The following NF1 variants were observed in gnomAD, a reference collection of about 807,000 sequenced individuals.
The protein encoded by NF1 is neurofibromin.
In NF1, 122 loss-of-function variants were observed where a neutral mutation model predicts 325.7. The ratio of observed to expected loss-of-function variants is 0.37; its 90% confidence interval spans 0.32 to 0.44. NF1 has a LOEUF of 0.44. Among genes scored for constraint, NF1 ranks in the 20% least tolerant of loss-of-function variants. The pLI, the probability that NF1 is intolerant of heterozygous loss-of-function variation, is 1.00. For missense variants in NF1, 2,140 were observed against 3,415.4 expected (o/e 0.63, Z 9.31); for synonymous variants, 1,091 against 1,186.0 (o/e 0.92, Z 1.65).
chr17:31,141,071 T>G (rs528659768), intron 1 of NF1, among the ~76,000 whole-genome samples: 7 of 152,334 alleles, frequency 4.6e-5, no homozygotes, highest in Admixed American at 6.5e-5. Context: ...TTAAGGATTT[T>G]TATTAAGTAA....
chr17:31,112,833 A>G (rs1567794995), intron 1 of NF1, among the ~76,000 whole-genome samples: 1 of 152,180 alleles, frequency 6.6e-6, no homozygotes, highest in African/African-American at 2.4e-5. Context: ...TTTCTAATAT[A>G]AGGTCACAAA....
chr17:31,218,699 G>A (rs1163248793), intron 13 of NF1, among the ~76,000 whole-genome samples: 1 of 151,998 alleles, frequency 6.6e-6, no homozygotes, highest in African/African-American at 2.4e-5. Context: ...AGCCTCCCAA[G>A]TGGCTGGGAC....
At chr17:31,331,154 T>C (rs1175132369) in intron 39 of NF1, 1 of 152,158 alleles carries the variant, frequency 6.6e-6, no homozygotes, top group African/African-American at 2.4e-5. Flanking sequence ...TTTCTTGACT[T>C]TTATATATTA....
At chr17:31,298,036 G>A (rs2068501670) in intron 36 of NF1, among the ~76,000 whole-genome samples, 2 of 152,134 alleles carry the variant, frequency 1.3e-5, no homozygotes, top group East Asian at 1.9e-4. Context: ...AAGTGGATAT[G>A]AGTATTGTTT....
Position 31,095,337 on chromosome 17 carries a change from G to A in NF1, c.28G>A (p.Val10Ile). The change falls in exon 1 of 58, where the codon GTC becomes ATC. Residue 10 changes from valine (V) to isoleucine (I), a missense_variant. Transcript: ENST00000358273. ...GGCCGCGCACAGGCCGGTGGAATGG[G>A]TCCAGGCCGTGGTCAGCCGCTTCGA... MAAHRPVEW[V>I]QAVVSRFDEQ... is the part of the protein sequence containing the mutation. The A allele has an allele frequency of 6.5e-7, 1 of 1,539,754 alleles. No homozygotes were observed. Among genetic ancestry groups the A allele is most frequent in the Non-Finnish European group, 8.7e-7 (1 of 1,146,510 alleles).
chr17:31,126,577 G>A (rs3923363), intron 1 of NF1, among the ~76,000 whole-genome samples: 1 of 152,060 alleles, frequency 6.6e-6, no homozygotes, highest in Non-Finnish European at 1.5e-5. Context: ...GAGTAGCTGG[G>A]ACTACAGGTA....
At chr17:31,111,900 CT>C (rs988394751) in intron 1 of NF1, among the ~76,000 whole-genome samples, 3 of 152,078 alleles carry the variant, frequency 2.0e-5, no homozygotes, top group African/African-American at 7.2e-5. Context: ...AACTTTATTG[CT>C]TTTTGCTATT....
rs1452863742 is a variant in NF1, at chr17:31,222,353, A to G, written c.1721+424A>G. On this transcript the variant is annotated intron_variant, in intron 15 of 57. Coordinates refer to ENST00000358273, the MANE Select transcript of NF1 (RefSeq NM_001042492.3). ...ACCAATGCTTTCGATGAATGAATTA[A>G]TAATGGACACCTGCTTAGAAGAAAA... is the stretch of plus-strand genomic sequence containing the variant. 3 of 1,038,500 alleles carry G rather than the reference A, an allele frequency of 2.9e-6. No individual in the cohort carries two copies. In the African/African-American group the frequency reaches 5.0e-5, roughly 17 times the overall value. 64.3% of individuals were successfully genotyped at this position (1,038,500 alleles called of 1,614,324 possible). A position where few individuals can be genotyped will look rare whatever the true frequency, so the allele number is the denominator to read the frequency against.
At chr17:31,117,835 T>C (rs558621845) in intron 1 of NF1, among the ~76,000 whole-genome samples, 261 of 152,310 alleles carry the variant, frequency 1.7e-3, no homozygotes, top group African/African-American at 6.1e-3. Context: ...AGAATGTCCC[T>C]TGTTTACCAT....
chr17:31,134,153 T>C (rs541966605), intron 1 of NF1, among the ~76,000 whole-genome samples: 2 of 152,336 alleles, frequency 1.3e-5, no homozygotes, highest in South Asian at 4.1e-4. Context: ...GTGCTGGGAT[T>C]ATAAGTGGAA....
chr17:31,195,574 T>C (rs1266614070), intron 8 of NF1, among the ~76,000 whole-genome samples: 1 of 152,168 alleles, frequency 6.6e-6, no homozygotes, highest in East Asian at 1.9e-4. Context: ...CCTTTTACTT[T>C]CTGTCTCTCT....
At chr17:31,109,374 ATTTTCTTTTTTTTCT>A (rs1278454660) in intron 1 of NF1, among the ~76,000 whole-genome samples, 2 of 150,166 alleles carry the variant, frequency 1.3e-5, no homozygotes, top group African/African-American at 2.4e-5. Flanking sequence ...TTTGAAGATC[ATTTTCTTTTTTTTCT>A]TTTTCTTTTT....
At chr17:31,335,212 C>CACCAGATTTCTACAGTTCTATA (rs1439748656) in intron 40 of NF1, among the ~76,000 whole-genome samples, 181 bp downstream of exon 40, 1 of 72,934 alleles carries the variant, frequency 1.4e-5, no homozygotes, top group African/African-American at 6.2e-5. Context: ...TTGTAAATGT[C>CACCAGATTTCTACAGTTCTATA]TAGTGCATGT....
At chr17:31,314,378 T>G (rs1053031948) in intron 36 of NF1, 5 of 176,508 alleles carry the variant, frequency 2.8e-5, no homozygotes, top group Admixed American at 6.2e-5. Context: ...TACAGTGAGA[T>G]TTCTTCTCAT....
At position 31,201,140 on chromosome 17, in the gene NF1, A is replaced by G. The variant is rs149739570; in HGVS notation, c.1166A>G (p.His389Arg). The part of the protein sequence containing the change: ...CLVSCFRISP[H>R]NNQHFKICLA... ...GTTTCTTGCTTTCGTATAAGCCCTC[A>G]CAACAACCAACACTTTAAGGTGAGA... Residue 389 changes from histidine to arginine, a missense_variant, in exon 10 of 58, where the codon CAC becomes CGC. By Grantham distance (29) the His-to-Arg change is conservative (BLOSUM62 0). Around this residue, in one of 10 missense-constraint regions of NF1, gnomAD observed 179 missense variants for 381.0 expected, o/e 0.47. Transcript: ENST00000358273. 171 of 1,613,990 alleles carry G rather than the reference A, an allele frequency of 1.1e-4. No homozygotes were observed. The highest frequency in any genetic ancestry group is 1.4e-4 in the Non-Finnish European group (167 of 1,179,996).
chr17:31,319,112 G>T, intron 36 of NF1: 1 of 1,361,160 alleles, frequency 7.3e-7, no homozygotes, highest in Non-Finnish European at 9.9e-7. Context: ...GTGTTGAGAT[G>T]TTACAAGTAA....
intron 36 of NF1, chr17:31,317,549 T>C (rs1264787955): frequency 1.3e-5 from 2 of 152,174 alleles, no homozygotes; most frequent in Non-Finnish European, 2.9e-5. Flanking sequence ...ACTTTGCGTT[T>C]ACACTTAGCC....
chr17:31,321,000 A>T (rs913039684), intron 36 of NF1: 3 of 152,268 alleles, frequency 2.0e-5, no homozygotes, highest in African/African-American at 4.8e-5. Context: ...CTTCAGCCAG[A>T]TGTACTGCAG....
At chr17:31,198,764 A>G (rs1266895343) in intron 8 of NF1, among the ~76,000 whole-genome samples, 2 of 151,858 alleles carry the variant, frequency 1.3e-5, no homozygotes, top group Non-Finnish European at 2.9e-5. Context: ...ACAGGCATGC[A>G]CCACCATGCC....
Sources: gnomAD v4.1 joint callset for allele counts (sites outside exome capture counted in the v4.1 genomes callset) on GRCh38, gnomAD v4.1.1 for gene constraint, gnomAD v4.1.1 regional missense constraint, MANE v1.5 for transcripts, NCBI Gene and HGNC (gene_info 2026-07-23, HGNC 2026-07-21) for gene names.